The following CPED1 variants were observed in gnomAD, a reference collection of about 807,000 sequenced individuals.
CPED1 encodes cadherin like and PC-esterase domain containing 1, also known as cadherin-like and PC-esterase domain-containing protein 1.
In CPED1, 114 loss-of-function variants were observed where a neutral mutation model predicts 128.2. The observed-to-expected ratio is 0.89, with a 90% CI of 0.76 to 1.04. CPED1 has a LOEUF of 1.04. Ranked by LOEUF, CPED1 falls within the 50% of genes least tolerant of loss-of-function variation. The pLI is 0.00. For synonymous variants in CPED1, 462 were observed against 426.7 expected, an observed-to-expected ratio of 1.08 and a Z score of -1.02; for missense variants, 1,211 against 1,207.1, an observed-to-expected ratio of 1.00 and a Z score of -0.05.
chr7:121,159,710 C>T (rs1796370702), intron 16 of CPED1, among the ~76,000 whole-genome samples: 1 of 152,098 alleles, frequency 6.6e-6, no homozygotes, highest in African/African-American at 2.4e-5. Context: ...CTACAATTAG[C>T]TAACACTCTG....
At chr7:121,264,357 G>C (rs191679809) in intron 18 of CPED1, among the ~76,000 whole-genome samples, 62 of 152,106 alleles carry the variant, frequency 4.1e-4, no homozygotes, top group African/African-American at 1.3e-3. Flanking sequence ...ATGTAGACAA[G>C]AAAATCAAAC....
chr7:121,256,829 A>G (rs1326394371), intron 18 of CPED1, among the ~76,000 whole-genome samples: 2 of 152,106 alleles, frequency 1.3e-5, no homozygotes, highest in South Asian at 2.1e-4. Context: ...GTGCCCTTCA[A>G]TGGTGAACTG....
intron 3 of CPED1, among the ~76,000 whole-genome samples, chr7:121,020,523 C>G (rs1261760795): frequency 1.3e-5 from 2 of 151,898 alleles, no homozygotes; most frequent in Non-Finnish European, 2.9e-5. Flanking sequence ...CAGAATAAGC[C>G]TATGTAACTT....
chr7:121,068,646 T>G (rs3993708), intron 5 of CPED1, among the ~76,000 whole-genome samples: 131,749 of 146,752 alleles, frequency 0.9, 59,342 homozygotes, highest in Middle Eastern at 0.98. Flanking sequence ...TTCCAATTCT[T>G]TGAAGAAAGT....
At chr7:121,271,560 A>G in intron 22 of CPED1, 130 bp downstream of exon 22, 1 of 885,944 alleles carries the variant, frequency 1.1e-6, no homozygotes, top group Non-Finnish European at 1.7e-6. Flanking sequence ...TAAATGATAT[A>G]TGTTCATCAT....
At chr7:121,281,301 G>A (rs530093559) in intron 22 of CPED1, among the ~76,000 whole-genome samples, 1 of 152,216 alleles carries the variant, frequency 6.6e-6, no homozygotes, top group African/African-American at 2.4e-5. Flanking sequence ...TTCTGATGAT[G>A]GTTTATGTGA....
intron 7 of CPED1, among the ~76,000 whole-genome samples, chr7:121,118,041 A>G (rs945096753): frequency 6.6e-6 from 1 of 152,182 alleles, no homozygotes; most frequent in Non-Finnish European, 1.5e-5. Context: ...TGTTTTTAAC[A>G]AGATTGAATA....
chr7:121,249,877 A>C (rs1396249541), intron 18 of CPED1, among the ~76,000 whole-genome samples: 1 of 152,114 alleles, frequency 6.6e-6, no homozygotes, highest in Non-Finnish European at 1.5e-5. Flanking sequence ...TAATGGGAGA[A>C]TTTAACACCC....
chr7:121,207,102 C>T (rs1443170429), intron 16 of CPED1, among the ~76,000 whole-genome samples: 1 of 151,878 alleles, frequency 6.6e-6, no homozygotes, highest in African/African-American at 2.4e-5. Flanking sequence ...TAAATGACTA[C>T]ATAATATTTC....
intron 5 of CPED1, among the ~76,000 whole-genome samples, chr7:121,077,087 T>C (rs73221273): frequency 0.06 from 9,099 of 152,056 alleles, 332 homozygotes; most frequent in Middle Eastern, 0.12. Flanking sequence ...CCATCCCCCA[T>C]GAAACTTGGG....
intron 7 of CPED1, among the ~76,000 whole-genome samples, chr7:121,122,360 C>T (rs1330137002): frequency 1.3e-5 from 2 of 152,030 alleles, no homozygotes; most frequent in Non-Finnish European, 2.9e-5. Flanking sequence ...AGGCTGGTCT[C>T]GAACTCCTGA....
intron 3 of CPED1, among the ~76,000 whole-genome samples, chr7:121,036,150 T>C (rs1167970686): frequency 1.3e-5 from 2 of 152,118 alleles, no homozygotes; most frequent in East Asian, 3.8e-4. Context: ...AATAGGTTTC[T>C]GGAGAACAGG....
At chr7:121,254,926 C>T (rs1470550006) in intron 18 of CPED1, among the ~76,000 whole-genome samples, 8 of 149,264 alleles carry the variant, frequency 5.4e-5, no homozygotes, top group African/African-American at 2.0e-4. Context: ...AAAAACATAC[C>T]AATCAAAACA....
chr7:121,048,748 A>G (rs529267715), intron 4 of CPED1, among the ~76,000 whole-genome samples: 1 of 152,290 alleles, frequency 6.6e-6, no homozygotes, highest in Admixed American at 6.5e-5. Flanking sequence ...TGTGTTGACC[A>G]GGCTGGTCTT....
At chr7:121,110,935 C>T (rs114496942) in intron 7 of CPED1, among the ~76,000 whole-genome samples, 1,574 of 152,186 alleles carry the variant, frequency 0.01, 30 homozygotes, top group African/African-American at 0.035. Context: ...AATGTGGATA[C>T]GTTTTGAAGG....
At chr7:121,036,343 C>T (rs965434764) in intron 3 of CPED1, among the ~76,000 whole-genome samples, 12 of 152,036 alleles carry the variant, frequency 7.9e-5, no homozygotes, top group Non-Finnish European at 1.6e-4. Context: ...CTCATAGCAG[C>T]TCCCACATAA....
At chr7:121,254,920 AC>A (rs1286841697) in intron 18 of CPED1, among the ~76,000 whole-genome samples, 1 of 151,150 alleles carries the variant, frequency 6.6e-6, no homozygotes, top group Non-Finnish European at 1.5e-5. Flanking sequence ...AAAAAAAAAA[AC>A]ATACCAATCA....
intron 5 of CPED1, among the ~76,000 whole-genome samples, chr7:121,089,313 G>C (rs921130902): frequency 1.3e-5 from 2 of 151,986 alleles, no homozygotes; most frequent in African/African-American, 4.8e-5. Context: ...TAAAAATCTT[G>C]ATATTTTAAA....
At chr7:121,116,765 C>T (rs957253205) in intron 7 of CPED1, among the ~76,000 whole-genome samples, 3 of 151,818 alleles carry the variant, frequency 2.0e-5, no homozygotes, top group Non-Finnish European at 2.9e-5. Flanking sequence ...TAACCTTAGG[C>T]GTGTACCTTG....
Sources: gnomAD v4.1 joint callset for allele counts (sites outside exome capture counted in the v4.1 genomes callset) on GRCh38, gnomAD v4.1.1 for gene constraint, MANE v1.5 for transcripts, NCBI Gene and HGNC (gene_info 2026-07-23, HGNC 2026-07-21) for gene names.